Variants in LHFPL6 observed in about 807,000 individuals in gnomAD.
LHFPL6 encodes the protein LHFPL tetraspan subfamily member 6.
A neutral mutation model predicts 20.6 loss-of-function variants in LHFPL6; 9 were observed. The ratio of observed to expected loss-of-function variants is 0.44; its 90% CI spans 0.26 to 0.76. The LOEUF is 0.76. Among genes scored for constraint, LHFPL6 ranks in the 30% least tolerant of loss-of-function variants. The pLI is 0.20. For missense variants in LHFPL6, 218 were observed against 253.5 expected (o/e 0.86, Z 0.95); for synonymous variants, 105 against 98.7 (o/e 1.06, Z -0.38).
At chr13:39,524,505 C>G (rs1444380917) in intron 2 of LHFPL6, among the ~76,000 whole-genome samples, 3 of 152,192 alleles carry the variant, frequency 2.0e-5, no homozygotes, top group Non-Finnish European at 4.4e-5. Flanking sequence ...CAAAGGCTCA[C>G]TGAAAGAGAA....
At chr13:39,532,857 G>T (rs928616502) in intron 2 of LHFPL6, among the ~76,000 whole-genome samples, 2 of 152,134 alleles carry the variant, frequency 1.3e-5, no homozygotes, top group African/African-American at 2.4e-5. Flanking sequence ...GAAGATTAGG[G>T]TATTCATTTC....
chr13:39,538,178 C>T (rs1043041696), intron 2 of LHFPL6, among the ~76,000 whole-genome samples: 2 of 151,424 alleles, frequency 1.3e-5, no homozygotes, highest in Non-Finnish European at 2.9e-5. Flanking sequence ...TTAGTAGAGA[C>T]GGGGTTTCAC....
intron 2 of LHFPL6, among the ~76,000 whole-genome samples, chr13:39,436,098 C>A (rs910489603): frequency 2.6e-5 from 4 of 151,760 alleles, no homozygotes; most frequent in Admixed American, 6.6e-5. Flanking sequence ...ATAGTATAAA[C>A]CAGAATCCTT....
At chr13:39,490,381 C>T (rs1451838046) in intron 2 of LHFPL6, among the ~76,000 whole-genome samples, 2 of 152,176 alleles carry the variant, frequency 1.3e-5, no homozygotes, top group African/African-American at 2.4e-5. Flanking sequence ...AAATCATAGT[C>T]TCTAAGTGGG....
intron 2 of LHFPL6, among the ~76,000 whole-genome samples, chr13:39,395,591 G>T (rs1234410375): frequency 1.3e-5 from 2 of 152,184 alleles, no homozygotes; most frequent in African/African-American, 4.8e-5. Context: ...ACTCCGGGCG[G>T]GAGGTGCCGT....
At chr13:39,475,744 T>C (rs897142342) in intron 2 of LHFPL6, among the ~76,000 whole-genome samples, 4 of 152,020 alleles carry the variant, frequency 2.6e-5, no homozygotes, top group East Asian at 1.9e-4. Context: ...ACACGAGAAA[T>C]AGCAGTAACA....
At chr13:39,501,400 A>G (rs527310234) in intron 2 of LHFPL6, among the ~76,000 whole-genome samples, 1 of 152,238 alleles carries the variant, frequency 6.6e-6, no homozygotes, top group African/African-American at 2.4e-5. Context: ...TTTTTTTTAC[A>G]TCATAGAATG....
rs997827853 is a variant in LHFPL6, at chr13:39,416,549, T to A, written c.386-38023A>T. 2.0e-5 allele frequency among the ~76,000 whole-genome samples: 3 copies of A among 152,316 alleles called. 1 individual carries two copies. Among genetic ancestry groups the A allele is most frequent in the Middle Eastern group, 6.8e-3 (2 of 294 alleles). On this transcript the variant is annotated intron_variant, in intron 2 of 3. Coordinates refer to ENST00000379589, the MANE Select transcript of LHFPL6 (RefSeq NM_005780.3). ...TCCCCTACCTTGAGCTCCTTTTCCA[T>A]ACAACCTCTGAATATTTGGGCAATA...
At chr13:39,406,547 T>C (rs1380508306) in intron 2 of LHFPL6, among the ~76,000 whole-genome samples, 1 of 152,154 alleles carries the variant, frequency 6.6e-6, no homozygotes, top group South Asian at 2.1e-4. Context: ...TTCTTGTAAA[T>C]GCAACAAATT....
chr13:39,376,847 A>G (rs1870305064), intron 3 of LHFPL6, among the ~76,000 whole-genome samples: 1 of 152,302 alleles, frequency 6.6e-6, no homozygotes, highest in East Asian at 1.9e-4. Context: ...TATATTTGCT[A>G]TCACTTGGCA....
intron 2 of LHFPL6, among the ~76,000 whole-genome samples, chr13:39,446,059 A>G (rs1177700026): frequency 6.6e-6 from 1 of 152,210 alleles, no homozygotes; most frequent in Non-Finnish European, 1.5e-5. Context: ...CTTCTTTAAG[A>G]TACCTATTAC....
intron 1 of LHFPL6, among the ~76,000 whole-genome samples, chr13:39,601,676 A>G (rs993134458): frequency 6.6e-6 from 1 of 152,234 alleles, no homozygotes. Flanking sequence ...AATTCATTCT[A>G]TATATTATAT....
chr13:39,408,162 G>GACTC (rs1295886478), intron 2 of LHFPL6, among the ~76,000 whole-genome samples: 5 of 152,146 alleles, frequency 3.3e-5, no homozygotes, highest in Non-Finnish European at 5.9e-5. Flanking sequence ...AAAAACTATT[G>GACTC]AATAAGTTAC....
At chr13:39,485,146 G>C (rs1419624258) in intron 2 of LHFPL6, among the ~76,000 whole-genome samples, 1 of 152,088 alleles carries the variant, frequency 6.6e-6, no homozygotes, top group Non-Finnish European at 1.5e-5. Context: ...TTTAGTACCA[G>C]ATTAAGCAAA....
chr13:39,503,897 T>C (rs1869380502), intron 2 of LHFPL6, among the ~76,000 whole-genome samples: 1 of 152,158 alleles, frequency 6.6e-6, no homozygotes, highest in African/African-American at 2.4e-5. Flanking sequence ...TACAAAAAGC[T>C]TCCTCCAAAA....
intron 2 of LHFPL6, among the ~76,000 whole-genome samples, chr13:39,521,063 A>C (rs1199290733): frequency 2.0e-5 from 3 of 152,310 alleles, no homozygotes; most frequent in East Asian, 3.9e-4. Context: ...TAATTCTAAA[A>C]TTATGACTAC....
chr13:39,525,162 A>G (rs1870248827), intron 2 of LHFPL6, among the ~76,000 whole-genome samples: 1 of 152,214 alleles, frequency 6.6e-6, no homozygotes, highest in African/African-American at 2.4e-5. Context: ...AGGTGGCAAG[A>G]GGTGCTGCCA....
At chr13:39,425,041 C>T (rs1279571469) in intron 2 of LHFPL6, among the ~76,000 whole-genome samples, 2 of 152,172 alleles carry the variant, frequency 1.3e-5, no homozygotes, top group East Asian at 3.9e-4. Context: ...CCAAAGGTTC[C>T]CATTTGTAAC....
chr13:39,602,446 G>T (rs943377638), intron 1 of LHFPL6, among the ~76,000 whole-genome samples: 3 of 152,050 alleles, frequency 2.0e-5, no homozygotes, highest in Non-Finnish European at 4.4e-5. Flanking sequence ...CTTGTCAACT[G>T]CAGTCAGGGC....
Sources: gnomAD v4.1 joint callset for allele counts (sites outside exome capture counted in the v4.1 genomes callset) on GRCh38, gnomAD v4.1.1 for gene constraint, MANE v1.5 for transcripts, NCBI Gene and HGNC (gene_info 2026-07-23, HGNC 2026-07-21) for gene names.